CDH4: variants seen among roughly 807,000 people sequenced by gnomAD.
CDH4 encodes the protein cadherin-4.
CDH4 carries 33 observed loss-of-function variants against 86.0 expected under a neutral mutation model. The ratio of observed to expected loss-of-function variants is 0.38; its 90% CI spans 0.29 to 0.51. The LOEUF (loss-of-function observed/expected upper bound fraction) is 0.51. Ranked by LOEUF, CDH4 falls within the 20% of genes least tolerant of loss-of-function variation. CDH4 has a pLI of 0.86. For synonymous variants in CDH4, 555 were observed against 549.4 expected, an observed-to-expected ratio of 1.01 and a Z score of -0.14; for missense variants, 1,114 against 1,307.4, an observed-to-expected ratio of 0.85 and a Z score of 2.28.
intron 4 of CDH4, among the ~76,000 whole-genome samples, chr20:61,776,099 C>A (rs1032741169): frequency 1.5e-4 from 23 of 152,314 alleles, no homozygotes; most frequent in African/African-American, 5.1e-4. Context: ...GCAGAGGGCT[C>A]GGGTAAGGAT....
intron 2 of CDH4, among the ~76,000 whole-genome samples, chr20:61,559,215 G>A (rs549988013): frequency 1.1e-4 from 16 of 152,238 alleles, no homozygotes; most frequent in Non-Finnish European, 1.8e-4. Flanking sequence ...CTACTCAGGA[G>A]GCTGAGGCAG....
In CDH4 at chr20:61,383,936, T is replaced by C. The variant is rs528943126; in HGVS notation, c.169+128999T>C. 3.5e-4 allele frequency among the ~76,000 whole-genome samples: 53 copies of C among 151,698 alleles called. 1 individual carries two copies. Among genetic ancestry groups the C allele is most frequent in the Non-Finnish European group, 7.2e-4 (49 of 67,968 alleles). ...CTCACACAATCACGAGGTCCCACAA[T>C]AGGCCATCTGCAGGCTGAGAAGCAA... On this transcript the variant is annotated intron_variant, in intron 2 of 15. Coordinates refer to ENST00000614565, the MANE Select transcript of CDH4 (RefSeq NM_001794.5).
chr20:61,581,600 ACCTCCTCCTCGGACCCGC>A (rs1239809173), intron 2 of CDH4, among the ~76,000 whole-genome samples: 1 of 151,456 alleles, frequency 6.6e-6, no homozygotes, highest in Non-Finnish European at 1.5e-5. Flanking sequence ...CCGAAGTCAC[ACCTCCTCCTCGGACCCGC>A]CCTGCTTCCT....
intron 4 of CDH4, among the ~76,000 whole-genome samples, chr20:61,823,677 A>G (rs1981172506): frequency 6.6e-6 from 1 of 152,212 alleles, no homozygotes; most frequent in Non-Finnish European, 1.5e-5. Flanking sequence ...GATTGTTGAC[A>G]TGGTATCTTC....
At chr20:61,336,753 A>T (rs1021488320) in intron 2 of CDH4, among the ~76,000 whole-genome samples, 2 of 152,188 alleles carry the variant, frequency 1.3e-5, no homozygotes, top group Admixed American at 6.5e-5. Flanking sequence ...GTTGAAGGTA[A>T]GAGTCCCTGA....
rs867181413 is a variant in CDH4 at position 61,429,735 on chromosome 20, A to C, written c.169+174798A>C. Among the ~76,000 whole-genome samples the C allele has an allele frequency of 1.9e-4, 27 of 145,740 alleles. No homozygotes were observed. The South Asian group carries it at 2.7e-3, about 14-fold the overall frequency. ...GATGGGTGGATGGGTGCATGAATAG[A>C]TGGATGGATGGATAGGTGTGTGGAT... On this transcript the variant is annotated intron_variant, in intron 2 of 15. Coordinates refer to ENST00000614565, the MANE Select transcript of CDH4 (RefSeq NM_001794.5).
intron 2 of CDH4, chr20:61,719,433 G>T: frequency 4.2e-6 from 1 of 237,370 alleles, no homozygotes. Flanking sequence ...ATTGCAAAAT[G>T]CTTGCGTGAA....
rs1364666580 is a variant in CDH4 at position 61,518,389 on chromosome 20, A to T, written c.170-225174A>T. 2.0e-5 allele frequency among the ~76,000 whole-genome samples: 3 copies of T among 152,152 alleles called. No individual in the cohort carries two copies. The highest frequency in any genetic ancestry group is 7.2e-5 in the African/African-American group (3 of 41,454). On this transcript the variant is annotated intron_variant, in intron 2 of 15. Coordinates refer to ENST00000614565, the MANE Select transcript of CDH4 (RefSeq NM_001794.5). The surrounding 1 kb of genome is among the most constrained non-coding windows in gnomAD (Gnocchi z 6.3). ...TTATCAGATAGGCTGGAATTTGGCC[A>T]AATTCTCTGTTATGATGAGGCTGTC...
At chr20:61,656,005 G>A (rs887933973) in intron 2 of CDH4, among the ~76,000 whole-genome samples, 5 of 152,314 alleles carry the variant, frequency 3.3e-5, no homozygotes, top group African/African-American at 9.6e-5. Flanking sequence ...GTCCTGAAGG[G>A]ACCCAGACCA....
chr20:61,268,961 G>A (rs1187849388), intron 2 of CDH4, among the ~76,000 whole-genome samples: 5 of 152,154 alleles, frequency 3.3e-5, no homozygotes, highest in African/African-American at 9.7e-5. Flanking sequence ...GGGGACAGCC[G>A]CTGGTGTTTG....
intron 2 of CDH4, among the ~76,000 whole-genome samples, chr20:61,655,053 C>T (rs988482093): frequency 2.0e-5 from 3 of 152,266 alleles, no homozygotes; most frequent in Non-Finnish European, 1.5e-5. Flanking sequence ...GTGTCTTCAT[C>T]TGAGTCAAGT....
intron 2 of CDH4, among the ~76,000 whole-genome samples, chr20:61,295,134 A>C (rs2427041): frequency 0.19 from 29,142 of 152,234 alleles, 3,241 homozygotes; most frequent in Middle Eastern, 0.26. Flanking sequence ...ACACATTTGC[A>C]TGTATTGATT....
At chr20:61,526,562 T>A (rs1188347513) in intron 2 of CDH4, among the ~76,000 whole-genome samples, 1 of 151,682 alleles carries the variant, frequency 6.6e-6, no homozygotes, top group African/African-American at 2.4e-5. Flanking sequence ...GTTAGTTACA[T>A]ATGTATACAT....
chr20:61,584,286 C>G (rs754316603), intron 2 of CDH4, among the ~76,000 whole-genome samples: 6 of 152,318 alleles, frequency 3.9e-5, no homozygotes, highest in African/African-American at 1.2e-4. Context: ...CTGGAATGTT[C>G]GTCCTGGCTT....
chr20:61,382,692 C>T (rs530781242), intron 2 of CDH4, among the ~76,000 whole-genome samples: 241 of 152,268 alleles, frequency 1.6e-3, no homozygotes, highest in Non-Finnish European at 2.8e-3. Flanking sequence ...CAGCCTTGGG[C>T]GGCCATGTCA....
At chr20:61,901,726 T>C (rs2054729103) in intron 8 of CDH4, among the ~76,000 whole-genome samples, 1 of 152,250 alleles carries the variant, frequency 6.6e-6, no homozygotes, top group African/African-American at 2.4e-5. Flanking sequence ...AGCCGGACGC[T>C]TCTGAGTAAG....
intron 4 of CDH4, among the ~76,000 whole-genome samples, chr20:61,801,544 C>T (rs1278284305): frequency 3.9e-5 from 6 of 152,178 alleles, no homozygotes; most frequent in African/African-American, 9.7e-5. Context: ...AGAACAGCCC[C>T]GTGTAGCCCC....
chr20:61,273,020 A>G (rs1366138499), intron 2 of CDH4, among the ~76,000 whole-genome samples: 22 of 48,344 alleles, frequency 4.6e-4, no homozygotes, highest in African/African-American at 1.9e-3. Context: ...TTGGGGGAGT[A>G]CCATGTGCAG....
chr20:61,937,258 A>AG lies in CDH4; in HGVS notation c.*315_*316insG, dbSNP rs1395531432. ...AAAAAGAAGAAAGAAAGAAAAAAAAAAAAAAAAGAAAGTGCCTTTTGGTAC... is the reference window on the plus strand; with the variant it reads ...AAAAAGAAGAAAGAAAGAAAAAAAAAGAAAAAAAGAAAGTGCCTTTTGGTAC... On this transcript the variant is annotated 3_prime_UTR_variant, in exon 16 of 16. Transcript: ENST00000614565. 2.8e-5 allele frequency: 6 copies of AG among 214,170 alleles called. No individual in the cohort carries two copies. The highest frequency in any genetic ancestry group is 1.4e-4 in the African/African-American group (6 of 43,368). 13.3% of individuals were successfully genotyped at this position (214,170 alleles called of 1,614,324 possible). A position where few individuals can be genotyped will look rare whatever the true frequency, so the allele number is the denominator to read the frequency against.
Sources: allele counts gnomAD v4.1 joint callset (sites outside exome capture counted in the v4.1 genomes callset), GRCh38; gene constraint gnomAD v4.1.1; non-coding constraint Gnocchi (gnomAD v3.1); transcripts MANE v1.5; gene names NCBI Gene and HGNC (gene_info 2026-07-23, HGNC 2026-07-21).